MTR: variants seen among roughly 807,000 people sequenced by gnomAD.
MTR encodes methionine synthase.
Under a neutral mutation model 154.8 loss-of-function variants are expected in MTR, and 84 were observed. The ratio of observed to expected loss-of-function variants is 0.54; its 90% CI spans 0.45 to 0.65. The LOEUF is 0.65. MTR is among the 30% of genes least tolerant of loss of function. The pLI is 0.00. For synonymous variants in MTR, 554 were observed against 553.9 expected, an observed-to-expected ratio of 1.00 and a Z score of 0.00; for missense variants, 1,275 against 1,570.2, an observed-to-expected ratio of 0.81 and a Z score of 3.18.
At chr1:236,895,585 T>C in intron 31 of MTR, 35 bp downstream of exon 31, 2 of 1,549,186 alleles carry the variant, frequency 1.3e-6, no homozygotes, top group South Asian at 1.2e-5. Context: ...CCTGTCTTCC[T>C]TCTTCAGTAG....
At chr1:236,894,648 G>T in intron 30 of MTR, 91 bp downstream of exon 30, 1 of 1,227,742 alleles carries the variant, frequency 8.1e-7, no homozygotes, top group South Asian at 1.3e-5. Context: ...TCAGCCCTTA[G>T]AACCAGTGTC....
At chr1:236,822,317 T>G (rs1662011130) in intron 8 of MTR, among the ~76,000 whole-genome samples, 1 of 149,384 alleles carries the variant, frequency 6.7e-6, no homozygotes, top group Non-Finnish European at 1.5e-5. Flanking sequence ...TTTTTGTTTT[T>G]TTTTTTTTTT....
chr1:236,810,054 C>A (rs1274040029), intron 4 of MTR, among the ~76,000 whole-genome samples: 2 of 152,148 alleles, frequency 1.3e-5, no homozygotes, highest in South Asian at 4.1e-4. Context: ...TCAAAACCTT[C>A]AGGGCTTCAT....
chr1:236,841,805 CTT>C (rs1199247875), intron 15 of MTR, among the ~76,000 whole-genome samples: 4 of 152,080 alleles, frequency 2.6e-5, no homozygotes, highest in Non-Finnish European at 5.9e-5. Flanking sequence ...GGAGTACAAA[CTT>C]GAAGTTGTTC....
rs1217883727 is a variant in MTR, at chr1:236,873,756, T to C, written c.2406-17T>C. 6.2e-7 allele frequency: 1 copy of C among 1,610,826 alleles called. No individual in the cohort carries two copies. Among genetic ancestry groups the C allele is most frequent in the Non-Finnish European group, 8.5e-7 (1 of 1,176,920 alleles). ...GGGCTTTCATTAATTTTCTCATGTCTCATTTCTGTGCCTCAGAGTTATTGA... is the reference window on the plus strand; with the variant it reads ...GGGCTTTCATTAATTTTCTCATGTCCCATTTCTGTGCCTCAGAGTTATTGA... On this transcript the variant is annotated splice_polypyrimidine_tract_variant and intron_variant, in intron 22 of 32. Coordinates refer to ENST00000366577, the MANE Select transcript of MTR (RefSeq NM_000254.3).
chr1:236,889,492 T>A lies in MTR; in HGVS notation c.3007+156T>A, dbSNP rs3768150. Among the ~76,000 whole-genome samples, 105,216 of 152,086 alleles carry A rather than the reference T, an allele frequency of 0.69. 37,073 individuals are homozygous for A. The highest frequency in any genetic ancestry group is 0.82 in the East Asian group (4,222 of 5,176). ...TGCCCAACTTTTTAATGGTTTTCAA[T>A]CTGCTAGATTGGTCCTTATTGCATC... On this transcript the variant is annotated intron_variant, in intron 28 of 32. Transcript: ENST00000366577.
intron 1 of MTR, among the ~76,000 whole-genome samples, chr1:236,796,838 ATAAAT>A (rs1660419961): frequency 1.3e-5 from 2 of 152,042 alleles, no homozygotes; most frequent in Non-Finnish European, 2.9e-5. Flanking sequence ...ATCTTATTGA[ATAAAT>A]GATCATAGGG....
intron 22 of MTR, among the ~76,000 whole-genome samples, chr1:236,865,342 T>C (rs1664766978): frequency 6.6e-6 from 1 of 152,268 alleles, no homozygotes; most frequent in South Asian, 2.1e-4. Flanking sequence ...TGATAACACA[T>C]AGACTCTTCC....
chr1:236,887,948 G>A (rs188252439), intron 27 of MTR, among the ~76,000 whole-genome samples: 2 of 152,334 alleles, frequency 1.3e-5, no homozygotes, highest in East Asian at 3.9e-4. Flanking sequence ...ATTCCTTTTA[G>A]TTTCTCTACT....
chr1:236,880,571 G>A (rs1665675488), intron 24 of MTR, among the ~76,000 whole-genome samples, 184 bp from the exon 25 acceptor site: 1 of 152,192 alleles, frequency 6.6e-6, no homozygotes, highest in Non-Finnish European at 1.5e-5. Context: ...CCATCTTAGG[G>A]TAGGGAAAAA....
At chr1:236,891,437 A>G (rs1490345735) in intron 29 of MTR, 108 bp downstream of exon 29, 16 of 1,144,916 alleles carry the variant, frequency 1.4e-5, no homozygotes, top group Non-Finnish European at 1.7e-5. Context: ...CTCCCAAATG[A>G]CCAATCACAT....
intron 1 of MTR, among the ~76,000 whole-genome samples, chr1:236,798,561 C>T (rs1356094385): frequency 6.6e-6 from 1 of 152,212 alleles, no homozygotes; most frequent in East Asian, 1.9e-4. Context: ...ATCTCTTAGG[C>T]TCACTAGCCA....
At position 236,795,376 on chromosome 1, in the gene MTR, T is replaced by G. The variant is rs1057264345; in HGVS notation, c.-328T>G. On this transcript the variant is annotated 5_prime_UTR_variant, in exon 1 of 33. Transcript: ENST00000366577. ...GTCGTCCTCCTCTGCCGGTTTTCTC[T>G]TGGGTCCTTTTCCGTGCCGTCCCGC... 9.9e-5 allele frequency: 138 copies of G among 1,389,672 alleles called. No individual in the cohort carries two copies. The highest frequency in any genetic ancestry group is 1.2e-4 in the Non-Finnish European group (130 of 1,053,566). 86.1% of individuals were successfully genotyped at this position (1,389,672 alleles called of 1,614,324 possible). A position where few individuals can be genotyped will look rare whatever the true frequency, so the allele number is the denominator to read the frequency against.
intron 23 of MTR, 54 bp downstream of exon 23, chr1:236,873,894 C>G: frequency 6.6e-7 from 1 of 1,518,578 alleles, no homozygotes; most frequent in Non-Finnish European, 9.1e-7. Context: ...CCCCAGGTGT[C>G]TGTCATTTCC....
intron 15 of MTR, among the ~76,000 whole-genome samples, chr1:236,843,748 A>G (rs1663400331): frequency 6.6e-6 from 1 of 152,230 alleles, no homozygotes; most frequent in African/African-American, 2.4e-5. Flanking sequence ...GTTGTGAAAG[A>G]AAGAGGAGTC....
chr1:236,798,105 C>G (rs1482295940), intron 1 of MTR, among the ~76,000 whole-genome samples: 2 of 152,048 alleles, frequency 1.3e-5, no homozygotes, highest in Non-Finnish European at 2.9e-5. Context: ...TTTAATAAAG[C>G]AAAGAAAGAA....
In MTR at chr1:236,885,194, GACA is replaced by G; in HGVS notation, c.2751_2753del (p.Gln918del). 1 of 1,603,404 alleles carries G rather than the reference GACA, an allele frequency of 6.2e-7. No individual in the cohort carries two copies. Among genetic ancestry groups the G allele is most frequent in the Non-Finnish European group, 8.5e-7 (1 of 1,170,396 alleles). On this transcript the variant is annotated inframe_deletion, in exon 26 of 33. Coordinates refer to ENST00000366577, the MANE Select transcript of MTR (RefSeq NM_000254.3). ...ATCATGGAAGAATATGAAGATATTA[GACA>G]GGACCATTATGAGTCTCTCAAGGTA...
intron 27 of MTR, 65 bp downstream of exon 27, chr1:236,886,432 A>T: frequency 6.7e-7 from 1 of 1,491,586 alleles, no homozygotes; most frequent in African/African-American, 1.4e-5. Flanking sequence ...GAGGAAATAC[A>T]TGCATTTACT....
intron 9 of MTR, among the ~76,000 whole-genome samples, chr1:236,824,794 T>G (rs1662182954): frequency 6.6e-6 from 1 of 152,204 alleles, no homozygotes. Context: ...TCCAAATGTG[T>G]CATTTTAATG....
Sources: allele counts gnomAD v4.1 joint callset (sites outside exome capture counted in the v4.1 genomes callset), GRCh38; gene constraint gnomAD v4.1.1; transcripts MANE v1.5; gene names NCBI Gene and HGNC (gene_info 2026-07-23, HGNC 2026-07-21).